Variants in DPY19L1 observed in about 807,000 individuals in gnomAD.
The protein encoded by DPY19L1 is protein C-mannosyl-transferase DPY19L1.
DPY19L1 carries 35 observed loss-of-function variants against 96.9 expected under a neutral mutation model. That is an observed-to-expected ratio of 0.36 (90% confidence interval 0.28 to 0.48). The LOEUF (loss-of-function observed/expected upper bound fraction) is 0.48, where lower values mean the gene tolerates loss of function less well. Ranked by LOEUF, DPY19L1 falls within the 20% of genes least tolerant of loss-of-function variation. The pLI, the probability that DPY19L1 is intolerant of heterozygous loss-of-function variation, is 0.99. For missense variants in DPY19L1, 521 were observed against 777.9 expected (o/e 0.67, Z 3.93); for synonymous variants, 205 against 252.6 (o/e 0.81, Z 1.79).
chr7:34,946,975 C>A (rs1160237583), intron 15 of DPY19L1, among the ~76,000 whole-genome samples: 1 of 152,206 alleles, frequency 6.6e-6, no homozygotes, highest in Non-Finnish European at 1.5e-5. Context: ...ACACAGAAAT[C>A]ACTGGCCACG....
At chr7:34,942,661 T>C in intron 16 of DPY19L1, 22 bp from the exon 17 acceptor site, 1 of 1,585,474 alleles carries the variant, frequency 6.3e-7, no homozygotes, top group Non-Finnish European at 8.6e-7. Flanking sequence ...AAAAATATAT[T>C]GCCATCAATT....
At chr7:34,993,978 T>C (rs1341756883) in intron 6 of DPY19L1, among the ~76,000 whole-genome samples, 1 of 151,824 alleles carries the variant, frequency 6.6e-6, no homozygotes, top group Admixed American at 6.6e-5. Context: ...AGAGTCAAGA[T>C]TCGTTTGAAC....
chr7:35,028,110 G>T (rs1355664997), intron 1 of DPY19L1, among the ~76,000 whole-genome samples: 1 of 152,132 alleles, frequency 6.6e-6, no homozygotes, highest in Non-Finnish European at 1.5e-5. Context: ...AATGATCTAG[G>T]GGTGCCTTTG....
In DPY19L1 at chr7:34,945,655, T is replaced by C. The variant is rs774983562; in HGVS notation, c.1544+12A>G. 23 of 1,562,588 alleles carry C rather than the reference T, an allele frequency of 1.5e-5. 1 individual carries two copies. Among genetic ancestry groups the C allele is most frequent in the Non-Finnish European group, 1.5e-5 (17 of 1,141,814 alleles). ...ACAGAGGAGGTAATAAAATTCTTAA[T>C]AGCATATTTACCTTACATGTGTCTG... On this transcript the variant is annotated intron_variant, in intron 16 of 21. Coordinates refer to ENST00000638088, the MANE Select transcript of DPY19L1 (RefSeq NM_001366673.1).
chr7:35,032,885 A>G (rs1467727144), intron 1 of DPY19L1, among the ~76,000 whole-genome samples: 1 of 152,050 alleles, frequency 6.6e-6, no homozygotes, highest in Non-Finnish European at 1.5e-5. Context: ...CAAATTGACC[A>G]ATTTCTCTCC....
chr7:34,967,368 C>T lies in DPY19L1; in HGVS notation c.1015-397G>A, dbSNP rs1784633411. ...TACATTTAACTGAAAAATAATTATGCAATGCATGTGTGCATAAAAATACCT... is the reference window on the plus strand; with the variant it reads ...TACATTTAACTGAAAAATAATTATGTAATGCATGTGTGCATAAAAATACCT... On this transcript the variant is annotated intron_variant, in intron 9 of 21. Transcript: ENST00000638088. Among the ~76,000 whole-genome samples, 4 of 152,250 alleles carry T rather than the reference C, an allele frequency of 2.6e-5. No homozygotes were observed. In the South Asian group the frequency reaches 8.3e-4, roughly 32 times the overall value.
chr7:34,984,755 C>A (rs1311444761), intron 7 of DPY19L1, among the ~76,000 whole-genome samples: 1 of 152,140 alleles, frequency 6.6e-6, no homozygotes. Context: ...AGTCATCATC[C>A]TCTAGTGGCA....
At chr7:34,957,857 T>C in intron 11 of DPY19L1, 127 bp downstream of exon 11, 1 of 605,126 alleles carries the variant, frequency 1.7e-6, no homozygotes. Flanking sequence ...ACCATACATC[T>C]AGAATATTCA....
chr7:34,959,945 A>ATT (rs1307187220), intron 10 of DPY19L1, among the ~76,000 whole-genome samples: 1 of 144,780 alleles, frequency 6.9e-6, no homozygotes, highest in Non-Finnish European at 1.5e-5. Flanking sequence ...ATATATATAT[A>ATT]TAAAAGAACC....
At chr7:35,006,914 C>T (rs1051965872) in intron 6 of DPY19L1, among the ~76,000 whole-genome samples, 1 of 152,218 alleles carries the variant, frequency 6.6e-6, no homozygotes. Context: ...AATTTCTAAC[C>T]TGCTAGACAA....
chr7:34,962,012 G>GT (rs1378470982), intron 10 of DPY19L1, among the ~76,000 whole-genome samples: 1 of 152,160 alleles, frequency 6.6e-6, no homozygotes, highest in African/African-American at 2.4e-5. Context: ...ATGCAAAATG[G>GT]TATGGCCACT....
At chr7:34,948,090 C>A (rs1339534956) in intron 14 of DPY19L1, among the ~76,000 whole-genome samples, 1 of 152,076 alleles carries the variant, frequency 6.6e-6, no homozygotes, top group Non-Finnish European at 1.5e-5. Context: ...AACACACACA[C>A]ACACACTTTC....
chr7:34,979,086 T>C (rs1248546686), intron 7 of DPY19L1, among the ~76,000 whole-genome samples: 2 of 152,152 alleles, frequency 1.3e-5, no homozygotes, highest in African/African-American at 4.8e-5. Context: ...ATTGATCTTT[T>C]TGTCTCTGAA....
At chr7:34,962,374 C>T (rs1784518145) in intron 10 of DPY19L1, among the ~76,000 whole-genome samples, 1 of 152,152 alleles carries the variant, frequency 6.6e-6, no homozygotes, top group South Asian at 2.1e-4. Flanking sequence ...TGGTTCCAAA[C>T]ACATGACACT....
intron 4 of DPY19L1, among the ~76,000 whole-genome samples, chr7:35,012,449 C>A (rs1273214483): frequency 6.6e-6 from 1 of 152,106 alleles, no homozygotes; most frequent in Non-Finnish European, 1.5e-5. Context: ...AGCACAAAAT[C>A]CAGAAACACG....
chr7:35,030,802 G>A (rs1786242087), intron 1 of DPY19L1, among the ~76,000 whole-genome samples: 1 of 152,178 alleles, frequency 6.6e-6, no homozygotes, highest in African/African-American at 2.4e-5. Flanking sequence ...TATATTCAGT[G>A]ATTCTTGACT....
intron 4 of DPY19L1, among the ~76,000 whole-genome samples, chr7:35,011,728 A>C (rs990217110): frequency 6.6e-6 from 1 of 152,230 alleles, no homozygotes; most frequent in Non-Finnish European, 1.5e-5. Flanking sequence ...TAAGAGACAC[A>C]AAAGAAGATT....
chr7:34,963,940 A>G (rs562835507), intron 10 of DPY19L1, among the ~76,000 whole-genome samples: 1 of 152,314 alleles, frequency 6.6e-6, no homozygotes, highest in South Asian at 2.1e-4. Context: ...GGGAAGATGG[A>G]AGAATAAGGA....
intron 19 of DPY19L1, 24 bp downstream of exon 19, chr7:34,940,126 CTTT>C (rs748459736): frequency 7.8e-6 from 11 of 1,418,120 alleles, no homozygotes; most frequent in Non-Finnish European, 1.0e-5. Context: ...AATAATATGA[CTTT>C]TTTTTTCTTT....
Sources: gnomAD v4.1 joint callset for allele counts (sites outside exome capture counted in the v4.1 genomes callset) on GRCh38, gnomAD v4.1.1 for gene constraint, MANE v1.5 for transcripts, NCBI Gene and HGNC (gene_info 2026-07-23, HGNC 2026-07-21) for gene names.